The following ETV6 variants were observed in gnomAD, a reference collection of about 807,000 sequenced individuals.
ETV6 encodes the protein ETS variant transcription factor 6, also known as transcription factor ETV6.
Under a neutral mutation model 51.1 loss-of-function variants are expected in ETV6, and 16 were observed. The ratio of observed to expected loss-of-function variants is 0.31; its 90% confidence interval spans 0.21 to 0.48. ETV6 has a LOEUF of 0.48. ETV6 is among the 20% of genes least tolerant of loss of function. The pLI, the probability that ETV6 is intolerant of heterozygous loss-of-function variation, is 0.99. For missense variants in ETV6, 458 were observed against 594.8 expected (o/e 0.77, Z 2.39); for synonymous variants, 240 against 224.1 (o/e 1.07, Z -0.64).
intron 1 of ETV6, among the ~76,000 whole-genome samples, chr12:11,701,560 C>T (rs577822719): frequency 6.6e-6 from 1 of 152,300 alleles, no homozygotes; most frequent in African/African-American, 2.4e-5. Flanking sequence ...TTGGGCATTT[C>T]CCAAAGCGAA....
chr12:11,891,264 G>A lies in ETV6; in HGVS notation c.*218G>A, dbSNP rs984005622. The A allele has an allele frequency of 1.8e-5, 9 of 488,472 alleles. No homozygotes were observed. Among genetic ancestry groups the A allele is most frequent in the Non-Finnish European group, 3.3e-5 (9 of 273,134 alleles). The allele number at this position is 488,472 out of a possible 1,614,324, so 30.3% of individuals were successfully genotyped here. ...GCTGGAATTCTGGCGGAGGGCATGA[G>A]CCTGGGACTCCATGTCACGTTTCCT... On this transcript the variant is annotated 3_prime_UTR_variant, in exon 8 of 8. Transcript: ENST00000396373.
chr12:11,837,150 C>A (rs1415900146), intron 2 of ETV6, among the ~76,000 whole-genome samples: 2 of 152,116 alleles, frequency 1.3e-5, no homozygotes, highest in African/African-American at 2.4e-5. Context: ...TTCCCATATC[C>A]ATGGACTGTT....
At chr12:11,727,644 G>A (rs550360281) in intron 1 of ETV6, among the ~76,000 whole-genome samples, 23 of 151,298 alleles carry the variant, frequency 1.5e-4, no homozygotes, top group Admixed American at 1.3e-3. Context: ...GATCTGTGAC[G>A]TACATGGTCA....
chr12:11,759,744 T>C (rs2136335563), intron 2 of ETV6, among the ~76,000 whole-genome samples: 1 of 148,036 alleles, frequency 6.8e-6, no homozygotes, highest in South Asian at 2.3e-4. Context: ...ACCTAATGCT[T>C]TCTGGCAGGT....
intron 1 of ETV6, among the ~76,000 whole-genome samples, chr12:11,680,739 T>C (rs909461694): frequency 6.6e-6 from 1 of 152,198 alleles, no homozygotes; most frequent in African/African-American, 2.4e-5. Context: ...TATGATCTCT[T>C]AGACAGTAGT....
At chr12:11,870,267 AG>A (rs1170851925) in intron 5 of ETV6, among the ~76,000 whole-genome samples, 1 of 152,180 alleles carries the variant, frequency 6.6e-6, no homozygotes. Flanking sequence ...TTAAAATAAA[AG>A]GTTTATGAGC....
intron 2 of ETV6, among the ~76,000 whole-genome samples, chr12:11,772,432 C>T (rs984751875): frequency 8.5e-5 from 13 of 152,156 alleles, no homozygotes; most frequent in Admixed American, 6.5e-5. Context: ...CAGGTCTGTG[C>T]CCATGCCTGG....
chr12:11,743,792 G>A (rs1312240186), intron 1 of ETV6, among the ~76,000 whole-genome samples: 2 of 152,138 alleles, frequency 1.3e-5, no homozygotes, highest in African/African-American at 4.8e-5. Context: ...CTGAGCCGTC[G>A]CTTTTCTTTC....
At chr12:11,659,622 G>A (rs924786282) in intron 1 of ETV6, among the ~76,000 whole-genome samples, 1 of 152,198 alleles carries the variant, frequency 6.6e-6, no homozygotes, top group Non-Finnish European at 1.5e-5. Flanking sequence ...CTATACGTAA[G>A]ATTGCCATAA....
At chr12:11,691,461 T>A (rs915705445) in intron 1 of ETV6, among the ~76,000 whole-genome samples, 3 of 152,192 alleles carry the variant, frequency 2.0e-5, no homozygotes, top group Non-Finnish European at 2.9e-5. Context: ...TCTGCATACT[T>A]TATTTCGCTT....
chr12:11,671,621 T>G (rs989968294), intron 1 of ETV6, among the ~76,000 whole-genome samples: 1 of 152,170 alleles, frequency 6.6e-6, no homozygotes, highest in Non-Finnish European at 1.5e-5. Context: ...TCAATAAAAA[T>G]AAATAAATTC....
chr12:11,855,925 G>C (rs561563925), intron 4 of ETV6, among the ~76,000 whole-genome samples: 34 of 152,306 alleles, frequency 2.2e-4, no homozygotes, highest in Non-Finnish European at 4.6e-4. Flanking sequence ...TGACATTAAG[G>C]CAAGGAATAT....
At chr12:11,818,896 C>G (rs1946035519) in intron 2 of ETV6, among the ~76,000 whole-genome samples, 1 of 152,144 alleles carries the variant, frequency 6.6e-6, no homozygotes, top group South Asian at 2.1e-4. Context: ...CTGCTCCTCC[C>G]TCCTGGCCCT....
In ETV6 at chr12:11,650,078, A is replaced by G; in HGVS notation, c.-50A>G. ...AGCCTTTCTGGGTTGGGGAGAGGAA[A>G]GGAAAGTGGAAAAAACCTGAGAACT... On this transcript the variant is annotated 5_prime_UTR_variant, in exon 1 of 8. Coordinates refer to ENST00000396373, the MANE Select transcript of ETV6 (RefSeq NM_001987.5). 1.3e-6 allele frequency: 2 copies of G among 1,583,894 alleles called. No individual in the cohort carries two copies. Among genetic ancestry groups the G allele is most frequent in the East Asian group, 2.2e-5 (1 of 44,730 alleles).
In ETV6 at chr12:11,891,094, G is replaced by T; in HGVS notation, c.*48G>T. 3 of 1,463,794 alleles carry T rather than the reference G, an allele frequency of 2.0e-6. No homozygotes were observed. In the South Asian group the frequency reaches 3.4e-5, roughly 17 times the overall value. 90.7% of individuals were successfully genotyped at this position (1,463,794 alleles called of 1,614,324 possible). ...CGGGCCAGCAGCCCAGGGAACCCCT[G>T]CCCACCAGGATTGCTGGAAGTGTGA... On this transcript the variant is annotated 3_prime_UTR_variant, in exon 8 of 8. Transcript: ENST00000396373.
At chr12:11,664,014 G>A (rs1163751008) in intron 1 of ETV6, among the ~76,000 whole-genome samples, 1 of 152,174 alleles carries the variant, frequency 6.6e-6, no homozygotes, top group East Asian at 1.9e-4. Flanking sequence ...TTGTGCCTTA[G>A]TGTACTTGGA....
chr12:11,853,261 TC>T (rs1297209247), intron 3 of ETV6, among the ~76,000 whole-genome samples, 165 bp from the exon 4 acceptor site: 1 of 152,260 alleles, frequency 6.6e-6, no homozygotes, highest in Non-Finnish European at 1.5e-5. Context: ...CTTTTGAGTT[TC>T]AAGTGCTGCA....
At chr12:11,708,746 A>G (rs1865117821) in intron 1 of ETV6, among the ~76,000 whole-genome samples, 1 of 151,868 alleles carries the variant, frequency 6.6e-6, no homozygotes, top group Non-Finnish European at 1.5e-5. Flanking sequence ...CACTCAACCA[A>G]CCCTGCTTTT....
intron 2 of ETV6, among the ~76,000 whole-genome samples, chr12:11,816,191 G>A (rs938873531): frequency 3.3e-5 from 5 of 152,224 alleles, no homozygotes. Context: ...CAGGAGTTTA[G>A]GAGGCCCTGG....
Sources: allele counts gnomAD v4.1 joint callset (sites outside exome capture counted in the v4.1 genomes callset), GRCh38; gene constraint gnomAD v4.1.1; transcripts MANE v1.5; gene names NCBI Gene and HGNC (gene_info 2026-07-23, HGNC 2026-07-21).